The following TMCC1 variants were observed in gnomAD, a reference collection of about 807,000 sequenced individuals.
The protein encoded by TMCC1 is transmembrane and coiled-coil domains protein 1.
In TMCC1, 15 loss-of-function variants were observed where a neutral mutation model predicts 52.4. The ratio of observed to expected loss-of-function variants is 0.29; its 90% confidence interval spans 0.19 to 0.44. The LOEUF (loss-of-function observed/expected upper bound fraction) is 0.44, where lower values mean the gene tolerates loss of function less well. Among genes scored for constraint, TMCC1 ranks in the 20% least tolerant of loss-of-function variants. The pLI is 1.00. For missense variants in TMCC1, 503 were observed against 806.0 expected (o/e 0.62, Z 4.55); for synonymous variants, 279 against 301.9 (o/e 0.92, Z 0.79).
At chr3:129,831,448 C>T (rs1303595764) in intron 3 of TMCC1, among the ~76,000 whole-genome samples, 1 of 152,014 alleles carries the variant, frequency 6.6e-6, no homozygotes, top group Non-Finnish European at 1.5e-5. Context: ...AGCATGCAGC[C>T]CTAAAGAAAC....
At chr3:129,846,446 G>T (rs546350279) in intron 2 of TMCC1, among the ~76,000 whole-genome samples, 66 of 152,274 alleles carry the variant, frequency 4.3e-4, no homozygotes, top group African/African-American at 1.4e-3. Context: ...GGTTTCGAAG[G>T]TAACACATAC....
intron 2 of TMCC1, among the ~76,000 whole-genome samples, chr3:129,835,649 T>C (rs1356758627): frequency 6.6e-6 from 1 of 152,212 alleles, no homozygotes; most frequent in African/African-American, 2.4e-5. Flanking sequence ...TTAAAAAGTG[T>C]ATTTATTTAA....
At chr3:129,670,233 T>C (rs988751341) in intron 5 of TMCC1, 97 bp downstream of exon 5, 21 of 1,334,728 alleles carry the variant, frequency 1.6e-5, no homozygotes, top group Non-Finnish European at 2.0e-5. Context: ...CTGGACACTC[T>C]AGAGAAAGAT....
chr3:129,785,554 TATAC>T (rs1216836622), intron 4 of TMCC1, among the ~76,000 whole-genome samples: 2 of 139,478 alleles, frequency 1.4e-5, no homozygotes, highest in African/African-American at 6.1e-5. Flanking sequence ...TAAGTCTCAA[TATAC>T]ATACACACAC....
intron 4 of TMCC1, among the ~76,000 whole-genome samples, chr3:129,813,209 A>G (rs2717243): frequency 0.98 from 149,961 of 152,298 alleles, 73,878 homozygotes; most frequent in East Asian, 1. Flanking sequence ...ACACACTGCC[A>G]GTAGGAATGT....
intron 4 of TMCC1, among the ~76,000 whole-genome samples, chr3:129,796,323 T>C (rs2056819507): frequency 6.6e-6 from 1 of 152,212 alleles, no homozygotes; most frequent in Non-Finnish European, 1.5e-5. Flanking sequence ...CACTCTACGA[T>C]GTTCTCACAA....
intron 4 of TMCC1, among the ~76,000 whole-genome samples, chr3:129,799,050 G>A (rs1371855124): frequency 1.3e-5 from 2 of 152,194 alleles, no homozygotes; most frequent in Non-Finnish European, 2.9e-5. Flanking sequence ...CATGAAAGTA[G>A]AGGAATTTGT....
At chr3:129,756,331 C>T (rs747281771) in intron 4 of TMCC1, among the ~76,000 whole-genome samples, 1 of 152,140 alleles carries the variant, frequency 6.6e-6, no homozygotes, top group Non-Finnish European at 1.5e-5. Context: ...ACTGTAATTA[C>T]ATTCATACAA....
At chr3:129,656,088 G>T (rs965725340) in intron 5 of TMCC1, among the ~76,000 whole-genome samples, 4 of 152,238 alleles carry the variant, frequency 2.6e-5, no homozygotes, top group African/African-American at 7.2e-5. Context: ...ACTGAGCAGA[G>T]GAGTCACATG....
intron 4 of TMCC1, among the ~76,000 whole-genome samples, chr3:129,761,984 C>T (rs1576734583): frequency 1.4e-5 from 1 of 69,902 alleles, no homozygotes. Context: ...GAGCAAGACT[C>T]TGTCTCAAAA....
intron 4 of TMCC1, among the ~76,000 whole-genome samples, chr3:129,745,098 G>C (rs553375953): frequency 2.4e-4 from 36 of 152,302 alleles, no homozygotes; most frequent in Admixed American, 2.2e-3. Flanking sequence ...GCACTGCACT[G>C]TCATGTGCTA....
At chr3:129,805,952 C>CA (rs1285006705) in intron 4 of TMCC1, among the ~76,000 whole-genome samples, 3 of 151,790 alleles carry the variant, frequency 2.0e-5, no homozygotes, top group South Asian at 2.1e-4. Context: ...AACAAAAAAA[C>CA]AAAAAACAAT....
intron 4 of TMCC1, among the ~76,000 whole-genome samples, chr3:129,821,848 T>A (rs2058439373): frequency 6.6e-6 from 1 of 152,040 alleles, no homozygotes; most frequent in Non-Finnish European, 1.5e-5. Flanking sequence ...GTGGATGACT[T>A]GAGCCCAGGA....
intron 2 of TMCC1, among the ~76,000 whole-genome samples, chr3:129,864,618 T>C (rs749977897): frequency 2.0e-5 from 3 of 152,008 alleles, no homozygotes; most frequent in Non-Finnish European, 1.5e-5. Context: ...CAAGACCCCA[T>C]CTCTAGTGAA....
At chr3:129,818,002 G>A (rs1247071394) in intron 4 of TMCC1, among the ~76,000 whole-genome samples, 1 of 152,080 alleles carries the variant, frequency 6.6e-6, no homozygotes, top group Non-Finnish European at 1.5e-5. Context: ...TAGAGACGGG[G>A]TCTCACCATG....
At chr3:129,707,909 C>T (rs890503544) in intron 4 of TMCC1, among the ~76,000 whole-genome samples, 7 of 150,414 alleles carry the variant, frequency 4.7e-5, no homozygotes, top group Admixed American at 3.3e-4. Flanking sequence ...TCCAGCCTGG[C>T]GACAGAGCAA....
At chr3:129,834,508 T>C (rs1342667323) in intron 2 of TMCC1, among the ~76,000 whole-genome samples, 2 of 152,178 alleles carry the variant, frequency 1.3e-5, no homozygotes, top group Admixed American at 1.3e-4. Flanking sequence ...AAAACAGGTC[T>C]ACTGACTAAA....
chr3:129,844,427 A>G (rs2059568057), intron 2 of TMCC1, among the ~76,000 whole-genome samples: 1 of 152,232 alleles, frequency 6.6e-6, no homozygotes, highest in African/African-American at 2.4e-5. Flanking sequence ...GGGAAAAATA[A>G]TTAAATGTTT....
At chr3:129,772,153 G>A (rs1226912005) in intron 4 of TMCC1, among the ~76,000 whole-genome samples, 3 of 152,114 alleles carry the variant, frequency 2.0e-5, no homozygotes, top group Non-Finnish European at 4.4e-5. Context: ...AAGCCCAGGA[G>A]TTTGAGATCA....
Sources: gnomAD v4.1 joint callset for allele counts (sites outside exome capture counted in the v4.1 genomes callset) on GRCh38, gnomAD v4.1.1 for gene constraint, MANE v1.5 for transcripts, NCBI Gene and HGNC (gene_info 2026-07-23, HGNC 2026-07-21) for gene names.